SLITRK3: variants seen among roughly 807,000 people sequenced by gnomAD.
The protein encoded by SLITRK3 is SLIT and NTRK like family member 3.
A neutral mutation model predicts 63.6 loss-of-function variants in SLITRK3; 16 were observed. That is an observed-to-expected ratio of 0.25 (90% CI 0.17 to 0.38). The LOEUF is 0.38. Among genes scored for constraint, SLITRK3 ranks in the 10% least tolerant of loss-of-function variants. SLITRK3 has a pLI of 1.00. For synonymous variants in SLITRK3, 547 were observed against 451.6 expected, an observed-to-expected ratio of 1.21 and a Z score of -2.68; for missense variants, 1,117 against 1,181.4, an observed-to-expected ratio of 0.95 and a Z score of 0.80.
intron 1 of SLITRK3, among the ~76,000 whole-genome samples, chr3:165,192,031 C>G (rs1718247799): frequency 6.6e-6 from 1 of 152,224 alleles, no homozygotes; most frequent in South Asian, 2.1e-4. Flanking sequence ...TTTTATTACA[C>G]TGTCCTTCCT....
At chr3:165,196,909 C>G (rs890169588), upstream of SLITRK3, 1 of 145,320 alleles carries the variant, frequency 6.9e-6, no homozygotes, top group African/African-American at 2.5e-5. Context: ...CTCTCTCTCT[C>G]TCTCTCTCTC....
In SLITRK3 at chr3:165,189,285, G is replaced by A; in HGVS notation, c.1546C>T (p.Leu516=). 6.2e-7 allele frequency: 1 copy of A among 1,614,216 alleles called. No homozygotes were observed. Among genetic ancestry groups the A allele is most frequent in the Non-Finnish European group, 8.5e-7 (1 of 1,180,040 alleles). The stretch of plus-strand genomic sequence containing the variant: ...AAGGCGTCTGTTGGCAGAGTCCTCA[G>A]TAAGTTATTATTGAGGAATAGCAGC... ...LKLLFLNNNL[L]RTLPTDAFAG... The change falls in exon 2 of 2, where the codon CTG becomes TTG. Residue 516 remains leucine (L), a synonymous_variant. Transcript: ENST00000475390. The surrounding 1 kb of genome is among the most constrained non-coding windows in gnomAD (Gnocchi z 4.0).
intron 1 of SLITRK3, among the ~76,000 whole-genome samples, chr3:165,194,117 C>G (rs1718336276): frequency 6.6e-6 from 1 of 152,116 alleles, no homozygotes; most frequent in South Asian, 2.1e-4. Context: ...TCTGCCCCCA[C>G]CAGCACACAC....
upstream of SLITRK3, chr3:165,196,873 ATCTCTCTCTCTCTCTCTCTCTCTGTC>A (rs1718443522): frequency 2.4e-5 from 1 of 41,540 alleles, no homozygotes. Context: ...GAAGCAAGTG[ATCTCTCTCTCTCTCTCTCTCTCTGTC>A]TCTCTCTCTC....
In SLITRK3 at chr3:165,188,558, G is replaced by T; in HGVS notation, c.2273C>A (p.Pro758His). ...TQMCNNPIYK[P>H]REEEEVAVSS... ...AACAGCCACCTCCTCCTCCTCACGA[G>T]GCTTGTAGATGGGGTTGTTGCACAT... The change falls in exon 2 of 2, where the codon CCT becomes CAT. Residue 758 changes from proline to histidine, a missense_variant. By Grantham distance (77) the Pro-to-His change is moderately conservative. Coordinates refer to ENST00000475390, the MANE Select transcript of SLITRK3 (RefSeq NM_001318810.2). The T allele has an allele frequency of 4.3e-6, 7 of 1,614,044 alleles. No individual in the cohort carries two copies. Among genetic ancestry groups the T allele is most frequent in the East Asian group, 2.2e-5 (1 of 44,852 alleles).
intron 1 of SLITRK3, among the ~76,000 whole-genome samples, chr3:165,194,782 G>T (rs1480627979): frequency 1.3e-5 from 2 of 152,200 alleles, no homozygotes; most frequent in Non-Finnish European, 2.9e-5. Context: ...TGAAGTCTCT[G>T]TTATTTCTTG....
rs2108212649 is a variant in SLITRK3 at position 165,195,822 on chromosome 3, T to C, written c.-264A>G. The stretch of plus-strand genomic sequence containing the variant: ...CCAATGGGAGAGCGGGGCGCGCACC[T>C]AGCGCGGCGATGCCAGCGACAGGGA... On this transcript the variant is annotated 5_prime_UTR_variant, in exon 1 of 2. Coordinates refer to ENST00000475390, the MANE Select transcript of SLITRK3 (RefSeq NM_001318810.2). 1 of 152,834 alleles carries C rather than the reference T, an allele frequency of 6.5e-6. No homozygotes were observed. The allele number at this position is 152,834 out of a possible 1,614,324, so 9.5% of individuals were successfully genotyped here. A position where few individuals can be genotyped will look rare whatever the true frequency, so the allele number is the denominator to read the frequency against.
At chr3:165,193,456 C>T (rs1329463206) in intron 1 of SLITRK3, among the ~76,000 whole-genome samples, 2 of 151,902 alleles carry the variant, frequency 1.3e-5, no homozygotes, top group East Asian at 3.9e-4. Context: ...CCTGCAATGA[C>T]GGGGATGGGG....
rs1206230469 is a variant in SLITRK3 at position 165,188,277 on chromosome 3, C to T, written c.2554G>A (p.Gly852Arg). 6.2e-7 allele frequency: 1 copy of T among 1,613,666 alleles called. No individual in the cohort carries two copies. The highest frequency in any genetic ancestry group is 2.2e-5 in the East Asian group (1 of 44,860). Reference sequence around the variant, plus strand: ...AACCCTGCCAAGTCTCCCCCAGTTCCCCCAACTACTCCTGAAACCCCACCA... The same window carrying T: ...AACCCTGCCAAGTCTCCCCCAGTTCTCCCAACTACTCCTGAAACCCCACCA... ...AVGGVSGVVGGTGGDLAGFRH... is the reference protein window; with the variant it reads ...AVGGVSGVVGRTGGDLAGFRH... The change falls in exon 2 of 2, where the codon GGA becomes AGA. Residue 852 changes from glycine to arginine, a missense_variant. Gly to Arg is a moderately radical substitution (Grantham distance 125). This residue lies in a region of SLITRK3 where 499 missense variants were observed against 463.6 expected (regional missense o/e 1.08). Coordinates refer to ENST00000475390, the MANE Select transcript of SLITRK3 (RefSeq NM_001318810.2).
chr3:165,189,186 C>T lies in SLITRK3; in HGVS notation c.1645G>A (p.Glu549Lys). Residue 549 changes from glutamate (E) to lysine (K), a missense_variant, in exon 2 of 2, where the codon GAA (glutamate) becomes AAA (lysine). Glu to Lys is a moderately conservative substitution (Grantham distance 56, BLOSUM62 1). This residue lies in a region of SLITRK3 where 158 missense variants were observed against 197.2 expected (regional missense o/e 0.80). Transcript: ENST00000475390. The surrounding 1 kb of genome is among the most constrained non-coding windows in gnomAD (Gnocchi z 4.0). ...ATCTGGACAATGGCATTCAAGTGTT[C>T]CAGGACACCAGCCACGGGAAGATAG... is the stretch of plus-strand genomic sequence containing the variant. ...FLYLPVAGVL[E>K]HLNAIVQIDL... 1 of 1,614,140 alleles carries T rather than the reference C, an allele frequency of 6.2e-7. No individual in the cohort carries two copies.
rs3828419 is a variant in SLITRK3, at chr3:165,189,018, T to C, written c.1813A>G (p.Ile605Val). The C allele has an allele frequency of 0.029, 46,705 of 1,614,050 alleles. 1,633 individuals carry two copies. Among genetic ancestry groups the C allele is most frequent in the East Asian group, 0.16 (7,097 of 44,868 alleles). Residue 605 changes from isoleucine (I) to valine (V), a missense_variant, in exon 2 of 2, where the codon ATT (isoleucine) becomes GTT (valine). This residue lies in a region of SLITRK3 where 499 missense variants were observed against 463.6 expected (regional missense o/e 1.08). Transcript: ENST00000475390. This position sits in a 1 kb window ranked among gnomAD's most constrained non-coding sequence, Gnocchi z 4.0. ...ENLTHRDVRTIELEVLCPEML... is the reference protein window; with the variant it reads ...ENLTHRDVRTVELEVLCPEML... ...TCTGGGCAAAGAACTTCCAGCTCAA[T>C]AGTGCGCACATCACGGTGCGTGAGG...
chr3:165,187,018 G>A lies in SLITRK3; in HGVS notation c.*879C>T, dbSNP rs1297132311. ...GTCACAAAGAGGGTGCTCATCCCTA[G>A]GCGTGTGTCTTCGGCTGTTAAACCA... On this transcript the variant is annotated 3_prime_UTR_variant, in exon 2 of 2. Transcript: ENST00000475390. 2 of 152,460 alleles carry A rather than the reference G, an allele frequency of 1.3e-5. No homozygotes were observed. Among genetic ancestry groups the A allele is most frequent in the Non-Finnish European group, 2.9e-5 (2 of 68,040 alleles). The allele number at this position is 152,460 out of a possible 1,614,324, so 9.4% of individuals were successfully genotyped here. A position where few individuals can be genotyped will look rare whatever the true frequency, so the allele number is the denominator to read the frequency against.
intron 1 of SLITRK3, among the ~76,000 whole-genome samples, chr3:165,193,066 G>A (rs746422867): frequency 6.6e-6 from 1 of 151,934 alleles, no homozygotes; most frequent in Admixed American, 6.6e-5. Flanking sequence ...GCATGGGTTC[G>A]GGAGCGAGCA....
At position 165,190,116 on chromosome 3, in the gene SLITRK3, C is replaced by G. The variant is rs1718146022; in HGVS notation, c.715G>C (p.Glu239Gln). Residue 239 changes from glutamate (E) to glutamine (Q), a missense_variant, in exon 2 of 2, where the codon GAA becomes CAA. Around this residue, in one of 4 missense-constraint regions of SLITRK3, gnomAD observed 452 missense variants for 495.3 expected, o/e 0.91. Coordinates refer to ENST00000475390, the MANE Select transcript of SLITRK3 (RefSeq NM_001318810.2). The part of the protein sequence containing the change: ...LEENPWNCTC[E>Q]IVQLKSWLER... ...AGCCAACTCTTCAGTTGTACAATTTCACATGTACAGTTCCAAGGGTTTTCT... is the reference window on the plus strand; with the variant it reads ...AGCCAACTCTTCAGTTGTACAATTTGACATGTACAGTTCCAAGGGTTTTCT... 5.6e-6 allele frequency: 9 copies of G among 1,614,170 alleles called. No homozygotes were observed. The East Asian group carries it at 2.0e-4, about 36-fold the overall frequency.
In SLITRK3 at chr3:165,188,822, A is replaced by G; in HGVS notation, c.2009T>C (p.Val670Ala). ...CACGTAGGCAAAGAGGCCTGCAGCA[A>G]CAAAGACTGCTGAGAAAAACAGAAC... ...LLVLFFSAVF[V>A]AAGLFAYVLR... Residue 670 changes from valine (V) to alanine (A), a missense_variant, in exon 2 of 2, where the codon GTT becomes GCT. Physicochemically the swap from Val to Ala is moderately conservative, Grantham distance 64. Transcript: ENST00000475390. The G allele has an allele frequency of 6.2e-7, 1 of 1,614,204 alleles. No individual in the cohort carries two copies. Among genetic ancestry groups the G allele is most frequent in the Non-Finnish European group, 8.5e-7 (1 of 1,180,030 alleles).
At position 165,190,744 on chromosome 3, in the gene SLITRK3, G is replaced by A. The variant is rs777560267; in HGVS notation, c.87C>T (p.Thr29=). 6 of 1,613,928 alleles carry A rather than the reference G, an allele frequency of 3.7e-6. No homozygotes were observed. In the Admixed American group the frequency reaches 6.7e-5, roughly 18 times the overall value. ...CTGAGTCCTCTATTAGGGGAATCGGGGTAGTCCATCCTAGAGCAATTGTGC... is the reference window on the plus strand; with the variant it reads ...CTGAGTCCTCTATTAGGGGAATCGGAGTAGTCCATCCTAGAGCAATTGTGC... The part of the protein sequence containing the change: ...LLSTIALGWT[T]PIPLIEDSEE... The change falls in exon 2 of 2, where the codon ACC becomes ACT. Residue 29 remains threonine, a synonymous_variant. Transcript: ENST00000475390.
rs939172336 is a variant in SLITRK3, at chr3:165,188,754, G to T, written c.2077C>A (p.Gln693Lys). Residue 693 changes from glutamine to lysine, a missense_variant, in exon 2 of 2, where the codon CAG becomes AAG. By Grantham distance (53) the Gln-to-Lys change is moderately conservative. Transcript: ENST00000475390. ...ATGCCAGTAAGGTCCACACCTTCCT[G>T]CCGCTTGCTTCTGAAGGGCAGCTTC... is the stretch of plus-strand genomic sequence containing the variant. ...RKKLPFRSKR[Q>K]EGVDLTGIQM... The T allele has an allele frequency of 5.6e-6, 9 of 1,614,158 alleles. No homozygotes were observed. Among genetic ancestry groups the T allele is most frequent in the Non-Finnish European group, 7.6e-6 (9 of 1,180,034 alleles).
At chr3:165,193,204 G>A (rs1458578272) in intron 1 of SLITRK3, among the ~76,000 whole-genome samples, 1 of 149,228 alleles carries the variant, frequency 6.7e-6, no homozygotes, top group East Asian at 2.0e-4. Flanking sequence ...AGAGAAGGGG[G>A]AGGAGACCAA....
rs1393383766 is a variant in SLITRK3, at chr3:165,189,334, G to A, written c.1497C>T (p.Ala499=). The A allele has an allele frequency of 6.2e-7, 1 of 1,614,104 alleles. No individual in the cohort carries two copies. Among genetic ancestry groups the A allele is most frequent in the Non-Finnish European group, 8.5e-7 (1 of 1,180,050 alleles). Residue 499 remains alanine (A), a synonymous_variant, in exon 2 of 2, where the codon GCC becomes GCT. Coordinates refer to ENST00000475390, the MANE Select transcript of SLITRK3 (RefSeq NM_001318810.2). The surrounding 1 kb of genome is among the most constrained non-coding windows in gnomAD (Gnocchi z 4.0). ...GCTTCAAGTTGGGCATGAGGCTGAAGGCTGCAGGCTGGATTTCCCGGATGA... is the reference window on the plus strand; with the variant it reads ...GCTTCAAGTTGGGCATGAGGCTGAAAGCTGCAGGCTGGATTTCCCGGATGA... ...FNVIREIQPA[A]FSLMPNLKLL...
Sources: gnomAD v4.1 joint callset for allele counts (sites outside exome capture counted in the v4.1 genomes callset) on GRCh38, gnomAD v4.1.1 for gene constraint, gnomAD v4.1.1 regional missense constraint, Gnocchi (gnomAD v3.1) non-coding constraint, MANE v1.5 for transcripts, NCBI Gene and HGNC (gene_info 2026-07-23, HGNC 2026-07-21) for gene names.